TBC1D2: variants seen among roughly 807,000 people sequenced by gnomAD.
TBC1D2 encodes TBC1 domain family member 2.
Under a neutral mutation model 91.1 loss-of-function variants are expected in TBC1D2, and 58 were observed. The observed-to-expected ratio is 0.64, with a 90% CI of 0.52 to 0.79. The LOEUF is 0.79. Among genes scored for constraint, TBC1D2 ranks in the 30% least tolerant of loss-of-function variants. TBC1D2 has a pLI of 0.00. For missense variants in TBC1D2, 1,080 were observed against 1,208.3 expected (o/e 0.89, Z 1.57); for synonymous variants, 482 against 511.5 (o/e 0.94, Z 0.78).
intron 9 of TBC1D2, among the ~76,000 whole-genome samples, 166 bp from the exon 10 acceptor site, chr9:98,203,574 TA>T (rs1828569549): frequency 6.6e-6 from 1 of 152,188 alleles, no homozygotes; most frequent in Non-Finnish European, 1.5e-5. Context: ...TGGGGTGAGA[TA>T]AACGCTCTTT....
In TBC1D2 at chr9:98,200,334, T is replaced by C. The variant is rs753103167; in HGVS notation, c.2498A>G (p.Glu833Gly). 1.2e-6 allele frequency: 2 copies of C among 1,612,096 alleles called. No individual in the cohort carries two copies. The highest frequency in any genetic ancestry group is 3.3e-5 in the Admixed American group (2 of 59,886). ...ATTCTGTAGCCTCAAGATCTCCTTCTCGTTGTACTTGAAAATGGCCAAGGC... is the reference window on the plus strand; with the variant it reads ...ATTCTGTAGCCTCAAGATCTCCTTCCCGTTGTACTTGAAAATGGCCAAGGC... The part of the protein sequence containing the change: ...RYALAIFKYN[E>G]KEILRLQNGL... Residue 833 changes from glutamate to glycine, a missense_variant, in exon 12 of 13, where the codon GAG becomes GGG. Coordinates refer to ENST00000465784, the MANE Select transcript of TBC1D2 (RefSeq NM_001267571.2).
chr9:98,199,073 A>G lies in TBC1D2; in HGVS notation c.*308T>C. On this transcript the variant is annotated 3_prime_UTR_variant, in exon 13 of 13. Transcript: ENST00000465784. ...ACATTGTTTTATATTGATATAACCTAGAGAATGTTCCAGGTTACCCTATAG... is the reference window on the plus strand; with the variant it reads ...ACATTGTTTTATATTGATATAACCTGGAGAATGTTCCAGGTTACCCTATAG... The G allele has an allele frequency of 1.9e-6, 1 of 533,730 alleles. No homozygotes were observed. Among genetic ancestry groups the G allele is most frequent in the Non-Finnish European group, 3.4e-6 (1 of 296,306 alleles). 33.1% of individuals were successfully genotyped at this position (533,730 alleles called of 1,614,324 possible). A position where few individuals can be genotyped will look rare whatever the true frequency, so the allele number is the denominator to read the frequency against.
intron 6 of TBC1D2, among the ~76,000 whole-genome samples, chr9:98,217,598 G>A (rs1035794698): frequency 7.9e-5 from 12 of 152,226 alleles, no homozygotes; most frequent in African/African-American, 2.9e-4. Context: ...TCAATCACAG[G>A]GCAGGCAGGA....
chr9:98,201,532 T>A lies in TBC1D2; in HGVS notation c.2404A>T (p.Ile802Phe), dbSNP rs777465752. ...CAGACCCGAAGGAGGATGTTGCTAATGAGACTGTCCGCAAAGACCACGAGG... is the reference window on the plus strand; with the variant it reads ...CAGACCCGAAGGAGGATGTTGCTAAAGAGACTGTCCGCAAAGACCACGAGG... ...WFLVVFADSLISNILLRVWDA... is the reference protein window; with the variant it reads ...WFLVVFADSLFSNILLRVWDA... The change falls in exon 11 of 13, where the codon ATT (isoleucine) becomes TTT (phenylalanine). Residue 802 changes from isoleucine (I) to phenylalanine (F), a missense_variant. By Grantham distance (21) the Ile-to-Phe change is conservative. Transcript: ENST00000465784. 1.2e-6 allele frequency: 2 copies of A among 1,613,668 alleles called. No individual in the cohort carries two copies. Among genetic ancestry groups the A allele is most frequent in the Non-Finnish European group, 8.5e-7 (1 of 1,179,578 alleles).
intron 5 of TBC1D2, 52 bp from the exon 6 acceptor site, chr9:98,221,280 G>A (rs763924730): frequency 1.1e-5 from 16 of 1,483,252 alleles, no homozygotes; most frequent in African/African-American, 1.4e-5. Context: ...CCTGCTGGGC[G>A]CCACAGTGGG....
intron 5 of TBC1D2, among the ~76,000 whole-genome samples, chr9:98,225,486 A>G (rs1829210292): frequency 6.6e-6 from 1 of 151,998 alleles, no homozygotes; most frequent in African/African-American, 2.4e-5. Flanking sequence ...GAGACTATGG[A>G]AGAGAGGAGG....
chr9:98,210,475 A>AG (rs1828803562), intron 8 of TBC1D2, among the ~76,000 whole-genome samples, 181 bp downstream of exon 8: 1 of 152,176 alleles, frequency 6.6e-6, no homozygotes, highest in Admixed American at 6.5e-5. Flanking sequence ...GGGCCATGGC[A>AG]GGGGGCTGCC....
intron 3 of TBC1D2, among the ~76,000 whole-genome samples, chr9:98,239,261 T>G (rs1236127931): frequency 6.6e-6 from 1 of 151,374 alleles, no homozygotes; most frequent in Non-Finnish European, 1.5e-5. Context: ...CAATTTTTTG[T>G]AGGCTGGTCT....
intron 7 of TBC1D2, among the ~76,000 whole-genome samples, chr9:98,211,648 C>T (rs1189996199): frequency 3.9e-5 from 6 of 152,134 alleles, no homozygotes; most frequent in Admixed American, 3.9e-4. Flanking sequence ...AATTCTGTTG[C>T]ACCCTTGCCC....
At chr9:98,216,901 T>A (rs146848434) in intron 6 of TBC1D2, among the ~76,000 whole-genome samples, 68 of 152,246 alleles carry the variant, frequency 4.5e-4, no homozygotes, top group East Asian at 4.4e-3. Context: ...AAAGGTCTCA[T>A]TATGTTGCCT....
intron 3 of TBC1D2, among the ~76,000 whole-genome samples, chr9:98,237,491 T>G (rs964946280): frequency 6.6e-6 from 1 of 151,588 alleles, no homozygotes; most frequent in South Asian, 2.1e-4. Context: ...TTGGGAAGAG[T>G]GCGTCTTCAA....
intron 7 of TBC1D2, 109 bp downstream of exon 7, chr9:98,212,999 G>C: frequency 8.0e-7 from 1 of 1,244,560 alleles, no homozygotes; most frequent in Non-Finnish European, 1.2e-6. Context: ...GGTCAGTTCA[G>C]AGGGAGAGGG....
At chr9:98,235,752 C>A (rs899388848) in intron 3 of TBC1D2, among the ~76,000 whole-genome samples, 3 of 151,574 alleles carry the variant, frequency 2.0e-5, no homozygotes, top group Admixed American at 2.0e-4. Flanking sequence ...AGCAAGTTGT[C>A]GGCTGGGCAC....
chr9:98,209,248 A>C (rs1828748933), intron 8 of TBC1D2, 104 bp from the exon 9 acceptor site: 1 of 1,110,082 alleles, frequency 9.0e-7, no homozygotes, highest in Non-Finnish European at 1.3e-6. Flanking sequence ...CCCTGCCTTC[A>C]CTGAGGGTTA....
chr9:98,222,692 T>G (rs758850788), intron 5 of TBC1D2, among the ~76,000 whole-genome samples: 3 of 152,250 alleles, frequency 2.0e-5, no homozygotes, highest in Admixed American at 6.5e-5. Flanking sequence ...CAGGTAGGTA[T>G]GACTTTCAGG....
chr9:98,201,989 A>G (rs1408100195), intron 10 of TBC1D2, among the ~76,000 whole-genome samples: 6 of 152,292 alleles, frequency 3.9e-5, no homozygotes, highest in Middle Eastern at 3.4e-3. Flanking sequence ...GTCAGGGGCC[A>G]GCTGATCCTG....
chr9:98,213,396 A>T lies in TBC1D2; in HGVS notation c.1375-178T>A, dbSNP rs1237009911. 2.1e-6 allele frequency: 3 copies of T among 1,417,156 alleles called. No homozygotes were observed. The African/African-American group carries it at 4.3e-5, about 20-fold the overall frequency. 87.8% of individuals were successfully genotyped at this position (1,417,156 alleles called of 1,614,324 possible). A position where few individuals can be genotyped will look rare whatever the true frequency, so the allele number is the denominator to read the frequency against. ...CTCATAGCACCCTTCTCTATTCTTG[A>T]TGTCAGCATGATGTGGTAAAGGGAC... On this transcript the variant is annotated intron_variant, in intron 6 of 12. Coordinates refer to ENST00000465784, the MANE Select transcript of TBC1D2 (RefSeq NM_001267571.2).
At chr9:98,234,902 T>G (rs939501940) in intron 3 of TBC1D2, 24 of 207,052 alleles carry the variant, frequency 1.2e-4, no homozygotes, top group Non-Finnish European at 2.2e-4. Flanking sequence ...AAAGGTAACA[T>G]CACAGTAAAG....
intron 4 of TBC1D2, among the ~76,000 whole-genome samples, chr9:98,232,093 C>A (rs1042232619): frequency 2.0e-5 from 3 of 152,076 alleles, no homozygotes; most frequent in African/African-American, 7.2e-5. Context: ...TGAGGATATA[C>A]AGAAAGCCAC....
Sources: allele counts gnomAD v4.1 joint callset (sites outside exome capture counted in the v4.1 genomes callset), GRCh38; gene constraint gnomAD v4.1.1; transcripts MANE v1.5; gene names NCBI Gene and HGNC (gene_info 2026-07-23, HGNC 2026-07-21).